GLB1L3: variants seen among roughly 807,000 people sequenced by gnomAD.
GLB1L3 encodes beta-galactosidase-1-like protein 3.
Under a neutral mutation model 89.5 loss-of-function variants are expected in GLB1L3, and 89 were observed. That is an observed-to-expected ratio of 0.99 (90% CI 0.84 to 1.19). GLB1L3 has a LOEUF of 1.19. Ranked by LOEUF, GLB1L3 falls within the 50% of genes most tolerant of loss-of-function variation. The pLI, the probability that GLB1L3 is intolerant of heterozygous loss-of-function variation, is 0.00. For missense variants in GLB1L3, 812 were observed against 813.3 expected, an observed-to-expected ratio of 1.00 and a Z score of 0.02; for synonymous variants, 314 against 312.3, an observed-to-expected ratio of 1.01 and a Z score of -0.06.
At chr11:134,278,832 G>A (rs1004403785) in intron 3 of GLB1L3, among the ~76,000 whole-genome samples, 1 of 152,196 alleles carries the variant, frequency 6.6e-6, no homozygotes, top group Non-Finnish European at 1.5e-5. Flanking sequence ...TTTATTGAGA[G>A]CTGCTACTGC....
rs182906100 is a variant in GLB1L3, at chr11:134,301,089, A to G, written c.877-6035A>G. 2.4e-3 allele frequency among the ~76,000 whole-genome samples: 363 copies of G among 152,270 alleles called. 1 individual carries two copies. Among genetic ancestry groups the G allele is most frequent in the Middle Eastern group, 0.024 (7 of 294 alleles). On this transcript the variant is annotated intron_variant, in intron 9 of 19. Transcript: ENST00000431683. ...CACGCTGGCCCACACTGTCTTCAGC[A>G]CTTCTTTAATATGATCTATTTGTGT...
chr11:134,288,123 T>C (rs1443181926), intron 6 of GLB1L3, among the ~76,000 whole-genome samples: 1 of 152,162 alleles, frequency 6.6e-6, no homozygotes, highest in Non-Finnish European at 1.5e-5. Context: ...TTAGCATAAC[T>C]AGGTCAATGT....
At chr11:134,307,344 A>T in intron 10 of GLB1L3, 136 bp downstream of exon 10, 1 of 653,718 alleles carries the variant, frequency 1.5e-6, no homozygotes, top group Non-Finnish European at 2.7e-6. Flanking sequence ...ACAAGCACTC[A>T]GCCAGGCCCT....
chr11:134,300,535 C>T (rs1382306196), intron 9 of GLB1L3, among the ~76,000 whole-genome samples: 7 of 152,100 alleles, frequency 4.6e-5, no homozygotes, highest in Admixed American at 1.3e-4. Flanking sequence ...GGGGTTTCAC[C>T]GTGTTAGCCA....
intron 9 of GLB1L3, among the ~76,000 whole-genome samples, chr11:134,302,970 T>A (rs984545747): frequency 2.6e-5 from 4 of 152,244 alleles, no homozygotes; most frequent in African/African-American, 9.6e-5. Context: ...CAGTAGACCT[T>A]AGTATTTTAC....
chr11:134,318,660 T>C lies in GLB1L3; in HGVS notation c.1809T>C (p.Asn603=). 3 of 1,611,796 alleles carry C rather than the reference T, an allele frequency of 1.9e-6. No homozygotes were observed. The highest frequency in any genetic ancestry group is 2.5e-6 in the Non-Finnish European group (3 of 1,178,250). Residue 603 remains asparagine (N), a synonymous_variant, in exon 19 of 20, where the codon AAT becomes AAC. Transcript: ENST00000431683. ...LNWNYGFVFI[N]GRNLGRYWNI... Reference sequence around the variant, plus strand: ...GGAATTATGGATTTGTGTTCATCAATGGACGTAACCTTGGGCGATATTGGA... The same window carrying C: ...GGAATTATGGATTTGTGTTCATCAACGGACGTAACCTTGGGCGATATTGGA...
rs1313212426 is a variant in GLB1L3 at position 134,292,149 on chromosome 11, G to A, written c.747G>A (p.Gly249=). 2.5e-6 allele frequency: 4 copies of A among 1,613,588 alleles called. No homozygotes were observed. Among genetic ancestry groups the A allele is most frequent in the Non-Finnish European group, 3.4e-6 (4 of 1,179,678 alleles). The part of the protein sequence containing the change: ...PYLHKALLRR[G]IVELLLTSDG... The stretch of plus-strand genomic sequence containing the variant: ...CTCAACAGGCCCTGCTGAGAAGAGG[G>A]ATTGTGGAGCTTCTCTTGACCTCTG... The change falls in exon 8 of 20, where the codon GGG becomes GGA. Residue 249 remains glycine (G), a synonymous_variant. Transcript: ENST00000431683.
chr11:134,289,374 AGAAGAGGTG>A (rs1209522214), intron 7 of GLB1L3, among the ~76,000 whole-genome samples: 3 of 151,996 alleles, frequency 2.0e-5, no homozygotes, highest in Non-Finnish European at 4.4e-5. Flanking sequence ...CAGGGGTGGC[AGAAGAGGTG>A]GAGGAGGTGG....
intron 10 of GLB1L3, among the ~76,000 whole-genome samples, chr11:134,308,407 C>CACCAT (rs1942435275): frequency 1.3e-5 from 1 of 78,126 alleles, no homozygotes; most frequent in Non-Finnish European, 2.6e-5. Context: ...ATCACCATCA[C>CACCAT]CACCACCACC....
intron 9 of GLB1L3, among the ~76,000 whole-genome samples, chr11:134,297,299 T>C (rs1941701611): frequency 6.6e-6 from 1 of 152,228 alleles, no homozygotes; most frequent in South Asian, 2.1e-4. Context: ...AGATATCATA[T>C]ATTTACATAT....
intron 7 of GLB1L3, among the ~76,000 whole-genome samples, chr11:134,289,436 A>G (rs1941215739): frequency 6.6e-6 from 1 of 152,102 alleles, no homozygotes; most frequent in South Asian, 2.1e-4. Flanking sequence ...AAAAAATCCG[A>G]GTATAAGTGG....
downstream of GLB1L3, among the ~76,000 whole-genome samples, chr11:134,320,378 A>G (rs902633765): frequency 3.3e-5 from 5 of 152,208 alleles, no homozygotes; most frequent in Non-Finnish European, 7.3e-5. Flanking sequence ...ATCTAGCCTC[A>G]AACCTATGAA....
At chr11:134,312,624 A>G in intron 14 of GLB1L3, 135 bp downstream of exon 14, 2 of 1,178,876 alleles carry the variant, frequency 1.7e-6, no homozygotes, top group South Asian at 1.5e-5. Flanking sequence ...CTAAAAAGTC[A>G]GGCCAAATAG....
chr11:134,283,639 C>T, intron 5 of GLB1L3, 98 bp from the exon 6 acceptor site: 6 of 648,626 alleles, frequency 9.3e-6, no homozygotes, highest in East Asian at 5.6e-5. Context: ...TGTGAGGCAG[C>T]TGGGCAGATG....
chr11:134,314,467 G>T, intron 18 of GLB1L3, 26 bp downstream of exon 18: 1 of 1,424,934 alleles, frequency 7.0e-7, no homozygotes, highest in South Asian at 1.2e-5. Context: ...TGCTGCCCTG[G>T]TGTTCCAAAC....
In GLB1L3 at chr11:134,282,135, A is replaced by G. The variant is rs1459906149; in HGVS notation, c.527+15A>G. On this transcript the variant is annotated intron_variant, in intron 5 of 19. Coordinates refer to ENST00000431683, the MANE Select transcript of GLB1L3 (RefSeq NM_001080407.3). ...GGCTTGCCCAGGTAAGCGGGGCTACAGTCCCAGAGTCGTGGTTCTAGTGAA... is the reference window on the plus strand; with the variant it reads ...GGCTTGCCCAGGTAAGCGGGGCTACGGTCCCAGAGTCGTGGTTCTAGTGAA... 9 of 1,561,046 alleles carry G rather than the reference A, an allele frequency of 5.8e-6. No homozygotes were observed. Among genetic ancestry groups the G allele is most frequent in the Non-Finnish European group, 7.8e-6 (9 of 1,151,798 alleles).
intron 9 of GLB1L3, among the ~76,000 whole-genome samples, chr11:134,299,049 A>G (rs570637883): frequency 9.9e-5 from 15 of 152,142 alleles, no homozygotes; most frequent in African/African-American, 3.6e-4. Flanking sequence ...CTACTGACTT[A>G]TCTTTAAGTT....
At chr11:134,316,604 A>G (rs1399376947) in intron 18 of GLB1L3, among the ~76,000 whole-genome samples, 1 of 152,220 alleles carries the variant, frequency 6.6e-6, no homozygotes, top group Non-Finnish European at 1.5e-5. Context: ...GAAGGTGTCA[A>G]GTAGACTTCG....
intron 3 of GLB1L3, among the ~76,000 whole-genome samples, chr11:134,279,966 G>C (rs1940600163): frequency 6.6e-6 from 1 of 151,302 alleles, no homozygotes; most frequent in African/African-American, 2.4e-5. Context: ...CTTTTTCCCT[G>C]AGTTAAAATT....
Sources: gnomAD v4.1 joint callset for allele counts (sites outside exome capture counted in the v4.1 genomes callset) on GRCh38, gnomAD v4.1.1 for gene constraint, MANE v1.5 for transcripts, NCBI Gene and HGNC (gene_info 2026-07-23, HGNC 2026-07-21) for gene names.